EIF4G3: variants seen among roughly 807,000 people sequenced by gnomAD.
EIF4G3 encodes eIF-4-gamma 3.
In EIF4G3, 34 loss-of-function variants were observed where a neutral mutation model predicts 186.4. The ratio of observed to expected loss-of-function variants is 0.18; its 90% CI spans 0.14 to 0.24. The LOEUF is 0.24. Among genes scored for constraint, EIF4G3 ranks in the 10% least tolerant of loss-of-function variants. EIF4G3 has a pLI of 1.00. For missense variants in EIF4G3, 1,536 were observed against 1,948.5 expected, an observed-to-expected ratio of 0.79 and a Z score of 3.99; for synonymous variants, 673 against 679.5, an observed-to-expected ratio of 0.99 and a Z score of 0.15.
chr1:20,961,643 C>T (rs2096572219), intron 12 of EIF4G3, among the ~76,000 whole-genome samples: 1 of 152,120 alleles, frequency 6.6e-6, no homozygotes, highest in Non-Finnish European at 1.5e-5. Flanking sequence ...TCATTTTAAT[C>T]TATGAAACAG....
At position 21,156,282 on chromosome 1, in the gene EIF4G3, T is replaced by C. The variant is rs1240351216; in HGVS notation, c.-272+19893A>G. 2.6e-5 allele frequency among the ~76,000 whole-genome samples: 4 copies of C among 152,210 alleles called. No individual in the cohort carries two copies. The East Asian group carries it at 7.7e-4, about 29-fold the overall frequency. On this transcript the variant is annotated intron_variant, in intron 2 of 36. Transcript: ENST00000602326. ...GTTGTGCTGCGTTGATCCTCCTCTT[T>C]CCTCTCAGCAGCTTCTTTCTCTTTT... is the stretch of plus-strand genomic sequence containing the variant.
chr1:20,961,445 C>T (rs6697555), intron 12 of EIF4G3, among the ~76,000 whole-genome samples: 60,825 of 151,958 alleles, frequency 0.4, 12,489 homozygotes, highest in Non-Finnish European at 0.43. Flanking sequence ...AGTGTACCCA[C>T]AAAAATTTAA....
chr1:20,913,870 G>T (rs1235865454), intron 14 of EIF4G3, among the ~76,000 whole-genome samples: 1 of 141,348 alleles, frequency 7.1e-6, no homozygotes, highest in Admixed American at 7.5e-5. Flanking sequence ...GCAGTGGTGC[G>T]ATCTCGGCTC....
chr1:21,039,902 A>C (rs2154574932), intron 4 of EIF4G3, among the ~76,000 whole-genome samples: 1 of 152,346 alleles, frequency 6.6e-6, no homozygotes. Context: ...AAGCACTTTA[A>C]AAGATGTTCT....
chr1:20,939,767 A>G (rs774705941), intron 14 of EIF4G3, among the ~76,000 whole-genome samples: 3 of 152,156 alleles, frequency 2.0e-5, no homozygotes, highest in Non-Finnish European at 4.4e-5. Flanking sequence ...TTGAAGTGTC[A>G]AACAAATTAC....
intron 14 of EIF4G3, among the ~76,000 whole-genome samples, chr1:20,916,492 C>T (rs146198271): frequency 6.6e-6 from 1 of 151,724 alleles, no homozygotes; most frequent in African/African-American, 2.4e-5. Context: ...GCAAAATATA[C>T]CATGTTCATG....
intron 2 of EIF4G3, among the ~76,000 whole-genome samples, chr1:21,121,541 A>G (rs376325234): frequency 6.6e-6 from 1 of 152,166 alleles, no homozygotes; most frequent in African/African-American, 2.4e-5. Context: ...TTGGGAGGCC[A>G]AGGCGGGCAG....
At chr1:20,960,206 C>T (rs1013253225) in intron 12 of EIF4G3, among the ~76,000 whole-genome samples, 1 of 151,990 alleles carries the variant, frequency 6.6e-6, no homozygotes, top group African/African-American at 2.4e-5. Context: ...GTGGCTCATG[C>T]CTGTAATCCC....
intron 2 of EIF4G3, among the ~76,000 whole-genome samples, chr1:21,167,335 C>T (rs2097872631): frequency 6.6e-6 from 1 of 152,152 alleles, no homozygotes; most frequent in African/African-American, 2.4e-5. Flanking sequence ...GTCTTTTCCT[C>T]CTTCCTTCAA....
chr1:20,945,463 G>T (rs142270321), intron 13 of EIF4G3, among the ~76,000 whole-genome samples: 1 of 152,204 alleles, frequency 6.6e-6, no homozygotes, highest in East Asian at 1.9e-4. Context: ...TGTAATAAAA[G>T]ATATGTTTTG....
chr1:20,873,880 CCTCT>C (rs1238887639), intron 20 of EIF4G3, among the ~76,000 whole-genome samples: 1 of 152,064 alleles, frequency 6.6e-6, no homozygotes, highest in African/African-American at 2.4e-5. Flanking sequence ...GTGTTGTTCC[CCTCT>C]CTGTGTCCAT....
chr1:21,050,523 C>T (rs555755941), intron 4 of EIF4G3, among the ~76,000 whole-genome samples: 2 of 152,240 alleles, frequency 1.3e-5, no homozygotes, highest in East Asian at 1.9e-4. Context: ...ATGCTTCACC[C>T]GAAAGGGGTG....
At chr1:21,152,108 A>G (rs982010603) in intron 2 of EIF4G3, among the ~76,000 whole-genome samples, 4 of 152,186 alleles carry the variant, frequency 2.6e-5, no homozygotes, top group African/African-American at 9.6e-5. Context: ...TCCCGGATCT[A>G]TAACTGACAG....
At chr1:20,858,146 G>A (rs1056358145) in intron 24 of EIF4G3, among the ~76,000 whole-genome samples, 11 of 152,210 alleles carry the variant, frequency 7.2e-5, no homozygotes, top group Non-Finnish European at 1.2e-4. Context: ...ATGGCAGCCA[G>A]TGTGATCCTA....
rs1420969460 is a variant in EIF4G3 at position 21,022,037 on chromosome 1, T to C, written c.-66-19229A>G. Among the ~76,000 whole-genome samples the C allele has an allele frequency of 2.0e-5, 3 of 152,228 alleles. No homozygotes were observed. In the East Asian group the frequency reaches 5.8e-4, roughly 29 times the overall value. The stretch of plus-strand genomic sequence containing the variant: ...TGCTATAGCCTCACAAAAAGGTTCC[T>C]ATATGAAAATTTTGGTGCAAAAATA... On this transcript the variant is annotated intron_variant, in intron 4 of 36. Coordinates refer to ENST00000602326, the MANE Select transcript of EIF4G3 (RefSeq NM_001391906.1).
chr1:20,877,590 C>T (rs2081238558), intron 20 of EIF4G3, among the ~76,000 whole-genome samples: 1 of 152,190 alleles, frequency 6.6e-6, no homozygotes, highest in South Asian at 2.1e-4. Flanking sequence ...CTATAGCCAA[C>T]ATTCAAAACC....
chr1:21,107,803 C>A (rs1005635666), intron 2 of EIF4G3, among the ~76,000 whole-genome samples: 2 of 151,982 alleles, frequency 1.3e-5, no homozygotes, highest in Non-Finnish European at 2.9e-5. Context: ...TTCAGCCTCC[C>A]GAGTAGCTGG....
Position 20,854,996 on chromosome 1 carries a change from C to G in EIF4G3, c.3415G>C (p.Ala1139Pro). The G allele has an allele frequency of 6.2e-7, 1 of 1,613,772 alleles. No individual in the cohort carries two copies. The highest frequency in any genetic ancestry group is 8.5e-7 in the Non-Finnish European group (1 of 1,179,780). Residue 1139 changes from alanine (A) to proline (P), a missense_variant, in exon 26 of 37, where the codon GCA becomes CCA. Ala to Pro is a conservative substitution (Grantham distance 27). This residue lies in a region of EIF4G3 where 395 missense variants were observed against 498.9 expected (regional missense o/e 0.79). Transcript: ENST00000602326. ...GSWGKGSSGG[A>P]KASETDALRS... ...CACTTACCAGTCTCACTTGCCTTTGCTCCACCACTGCTGCCTTTTCCCCAG... is the reference window on the plus strand; with the variant it reads ...CACTTACCAGTCTCACTTGCCTTTGGTCCACCACTGCTGCCTTTTCCCCAG...
intron 33 of EIF4G3, among the ~76,000 whole-genome samples, chr1:20,818,848 G>C (rs1414779323): frequency 6.6e-6 from 1 of 152,070 alleles, no homozygotes; most frequent in Non-Finnish European, 1.5e-5. Flanking sequence ...TCCACAAAGT[G>C]AAAACCACAG....
Sources: allele counts gnomAD v4.1 joint callset (sites outside exome capture counted in the v4.1 genomes callset), GRCh38; gene constraint gnomAD v4.1.1; regional missense constraint gnomAD v4.1.1; transcripts MANE v1.5; gene names NCBI Gene and HGNC (gene_info 2026-07-23, HGNC 2026-07-21).